RTL4: variants seen among roughly 807,000 people sequenced by gnomAD.
RTL4 encodes retrotransposon Gag-like protein 4.
In RTL4, 4 loss-of-function variants were observed where a neutral mutation model predicts 5.3. The ratio of observed to expected loss-of-function variants is 0.75; its 90% CI spans 0.37 to 1.72. The LOEUF is 1.72. Among genes scored for constraint, RTL4 ranks in the 40% most tolerant of loss-of-function variants. The pLI, the probability that RTL4 is intolerant of heterozygous loss-of-function variation, is 0.04. For synonymous variants in RTL4, 98 were observed against 87.3 expected (o/e 1.12, Z -0.68); for missense variants, 260 against 227.1 (o/e 1.14, Z -0.93).
the RTL4 span, among the ~76,000 whole-genome samples, chrX:112,295,941 G>A: frequency 8.9e-6 from 1 of 112,147 alleles, no homozygotes; most frequent in East Asian, 2.8e-4. Flanking sequence ...TTATATTGTT[G>A]AAATACATTG....
chrX:112,385,803 C>G, the RTL4 span, among the ~76,000 whole-genome samples: 1 of 110,293 alleles, frequency 9.1e-6, no homozygotes, highest in Middle Eastern at 4.7e-3. Context: ...TGGGGAATGG[C>G]AAAAAAAAAT....
chrX:112,311,489 G>A, the RTL4 span, among the ~76,000 whole-genome samples: 11 of 110,520 alleles, frequency 1.0e-4, no homozygotes, highest in Non-Finnish European at 1.5e-4. Flanking sequence ...CAGTAACCTC[G>A]TTTAAATTTT....
the RTL4 span, among the ~76,000 whole-genome samples, chrX:112,229,211 A>G: frequency 8.9e-6 from 1 of 112,135 alleles, no homozygotes; most frequent in East Asian, 2.8e-4. Flanking sequence ...CTGAGCTTCT[A>G]TTATGTATCA....
chrX:112,153,655 A>C, the RTL4 span, among the ~76,000 whole-genome samples: 1 of 111,590 alleles, frequency 9.0e-6, no homozygotes, highest in Non-Finnish European at 1.9e-5. Context: ...GAAAAGTGAG[A>C]CTTCTTTCAA....
the RTL4 span, among the ~76,000 whole-genome samples, chrX:112,395,967 C>A: frequency 2.7e-5 from 3 of 110,273 alleles, no homozygotes; most frequent in Non-Finnish European, 5.7e-5. Flanking sequence ...TATGATTTTC[C>A]AGATTGTTAT....
chrX:112,199,113 C>T, the RTL4 span, among the ~76,000 whole-genome samples: 2 of 109,660 alleles, frequency 1.8e-5, no homozygotes, highest in East Asian at 5.7e-4. Flanking sequence ...ATGGTGAAAC[C>T]CTGTCTCTAC....
the RTL4 span, among the ~76,000 whole-genome samples, chrX:112,433,088 T>A: frequency 9.0e-6 from 1 of 110,840 alleles, no homozygotes; most frequent in Non-Finnish European, 1.9e-5. Context: ...TCCATTGATC[T>A]ATATCTCTGT....
the RTL4 span, among the ~76,000 whole-genome samples, chrX:112,341,153 T>C: frequency 9.4e-6 from 1 of 106,288 alleles, no homozygotes; most frequent in Non-Finnish European, 1.9e-5. Flanking sequence ...CACTGAGACC[T>C]GATAGCAGGC....
chrX:112,102,378 A>G, the RTL4 span, among the ~76,000 whole-genome samples: 1 of 111,653 alleles, frequency 9.0e-6, no homozygotes, highest in Non-Finnish European at 1.9e-5. Flanking sequence ...ATTTAATCCT[A>G]GGGAAATTAT....
At chrX:112,441,571 T>A in the RTL4 span, among the ~76,000 whole-genome samples, 2 of 111,606 alleles carry the variant, frequency 1.8e-5, no homozygotes, top group Non-Finnish European at 3.8e-5. Flanking sequence ...ATAACACTCA[T>A]ACACTGCTGG....
the RTL4 span, among the ~76,000 whole-genome samples, chrX:112,245,899 G>A: frequency 8.9e-6 from 1 of 112,310 alleles, no homozygotes; most frequent in South Asian, 3.7e-4. Context: ...TGTTCTTTTT[G>A]TTGATGTTGA....
the RTL4 span, among the ~76,000 whole-genome samples, chrX:112,319,581 C>A: frequency 1.8e-5 from 2 of 111,457 alleles, no homozygotes; most frequent in Non-Finnish European, 3.8e-5. Flanking sequence ...CAGATAACTG[C>A]CACCGTAATT....
chrX:112,303,585 C>T, the RTL4 span, among the ~76,000 whole-genome samples: 20 of 71,191 alleles, frequency 2.8e-4, no homozygotes, highest in African/African-American at 1.1e-3. Context: ...GGAAGGGGAA[C>T]ATCACACTCT....
the RTL4 span, among the ~76,000 whole-genome samples, chrX:112,124,702 A>AC: frequency 0.18 from 19,206 of 108,204 alleles, 2,785 homozygotes; most frequent in African/African-American, 0.48. Flanking sequence ...AGGGGAGGGA[A>AC]TTAGAGGACG....
the RTL4 span, among the ~76,000 whole-genome samples, chrX:112,391,968 C>T: frequency 9.0e-6 from 1 of 111,000 alleles, no homozygotes. Flanking sequence ...GATGGAGGGT[C>T]TGTGTTTGGG....
chrX:112,250,918 C>A, the RTL4 span, among the ~76,000 whole-genome samples: 1 of 111,866 alleles, frequency 8.9e-6, no homozygotes, highest in Non-Finnish European at 1.9e-5. Flanking sequence ...ATATTAAAAA[C>A]ATAAAAGGAA....
the RTL4 span, among the ~76,000 whole-genome samples, chrX:112,113,021 T>C: frequency 6.3e-5 from 7 of 111,920 alleles, no homozygotes; most frequent in Non-Finnish European, 5.6e-5. Flanking sequence ...TCCACTGACC[T>C]TTCAGTTTTT....
chrX:112,179,301 A>G, the RTL4 span, among the ~76,000 whole-genome samples: 1 of 110,896 alleles, frequency 9.0e-6, no homozygotes, highest in Non-Finnish European at 1.9e-5. Context: ...TCTGCTCCAT[A>G]TGTTAAGGGC....
At chrX:112,153,155 G>A in the RTL4 span, among the ~76,000 whole-genome samples, 12 of 111,854 alleles carry the variant, frequency 1.1e-4, no homozygotes, top group African/African-American at 3.9e-4. Flanking sequence ...CCAGGACTTG[G>A]GACTTAGTGC....
Sources: allele counts gnomAD v4.1 joint callset (sites outside exome capture counted in the v4.1 genomes callset), GRCh38; gene constraint gnomAD v4.1.1; transcripts MANE v1.5; gene names NCBI Gene and HGNC (gene_info 2026-07-23, HGNC 2026-07-21).